Variants in THSD4 observed in about 807,000 individuals in gnomAD.
The protein encoded by THSD4 is thrombospondin type 1 domain containing 4, also known as thrombospondin type-1 domain-containing protein 4.
THSD4 carries 69 observed loss-of-function variants against 119.0 expected under a neutral mutation model. The ratio of observed to expected loss-of-function variants is 0.58; its 90% CI spans 0.48 to 0.71. The LOEUF (loss-of-function observed/expected upper bound fraction) is 0.71. Ranked by LOEUF, THSD4 falls within the 30% of genes least tolerant of loss-of-function variation. The probability of loss-of-function intolerance (pLI) is 0.00; values close to 1 mark genes in which losing one functional copy is unlikely to be tolerated. For synonymous variants in THSD4, 524 were observed against 540.4 expected, an observed-to-expected ratio of 0.97 and a Z score of 0.42; for missense variants, 1,393 against 1,391.1, an observed-to-expected ratio of 1.00 and a Z score of -0.02.
At chr15:71,634,847 C>T (rs1318910631) in intron 7 of THSD4, among the ~76,000 whole-genome samples, 5 of 152,188 alleles carry the variant, frequency 3.3e-5, no homozygotes, top group Admixed American at 2.6e-4. Context: ...AGAGTTGCAT[C>T]GTGCCATACA....
chr15:71,495,215 G>T (rs1486676973), intron 7 of THSD4, among the ~76,000 whole-genome samples: 2 of 152,168 alleles, frequency 1.3e-5, no homozygotes, highest in African/African-American at 4.8e-5. Flanking sequence ...AATTTGAATT[G>T]TTGGGTTACT....
At chr15:71,345,348 AG>A (rs1315059183) in intron 6 of THSD4, among the ~76,000 whole-genome samples, 1 of 152,022 alleles carries the variant, frequency 6.6e-6, no homozygotes, top group East Asian at 1.9e-4. Context: ...AGTCTGATAC[AG>A]GGGCAAGGTA....
At chr15:71,709,544 G>A (rs1052305386) in intron 8 of THSD4, among the ~76,000 whole-genome samples, 6 of 152,128 alleles carry the variant, frequency 3.9e-5, no homozygotes, top group African/African-American at 1.4e-4. Flanking sequence ...TAGATCAGCC[G>A]GATAACATGT....
chr15:71,729,030 A>G, intron 9 of THSD4: 4 of 385,668 alleles, frequency 1.0e-5, no homozygotes, highest in Non-Finnish European at 2.0e-5. Context: ...TTTCATGAGC[A>G]TTGGATCTCC....
intron 6 of THSD4, among the ~76,000 whole-genome samples, chr15:71,358,493 C>A (rs1276100218): frequency 6.6e-6 from 1 of 152,178 alleles, no homozygotes; most frequent in Non-Finnish European, 1.5e-5. Flanking sequence ...CAGACAGGAA[C>A]AAGTGTGGGG....
chr15:71,269,983 C>T (rs2044509610), intron 6 of THSD4, among the ~76,000 whole-genome samples: 1 of 152,172 alleles, frequency 6.6e-6, no homozygotes, highest in Non-Finnish European at 1.5e-5. Flanking sequence ...ATTCCATGCT[C>T]GTGGATAGGA....
chr15:71,519,330 A>G (rs2048405902), intron 7 of THSD4, among the ~76,000 whole-genome samples: 1 of 152,162 alleles, frequency 6.6e-6, no homozygotes, highest in South Asian at 2.1e-4. Context: ...CAGGGTTCTA[A>G]GCAGAAACGG....
At chr15:71,332,922 TTGTTAG>T (rs1341225394) in intron 6 of THSD4, among the ~76,000 whole-genome samples, 1 of 137,538 alleles carries the variant, frequency 7.3e-6, no homozygotes, top group African/African-American at 2.8e-5. Context: ...TCATCAGCTA[TTGTTAG>T]TGTTAGTGTA....
intron 8 of THSD4, among the ~76,000 whole-genome samples, chr15:71,719,620 CATAAA>C (rs1377049163): frequency 2.0e-5 from 3 of 152,170 alleles, no homozygotes. Flanking sequence ...GTTTTAAACT[CATAAA>C]ATAAAATACA....
chr15:71,176,113 A>T (rs1298432219), intron 3 of THSD4, among the ~76,000 whole-genome samples: 3 of 147,364 alleles, frequency 2.0e-5, no homozygotes, highest in Non-Finnish European at 3.0e-5. Context: ...CATCATAATG[A>T]CAGGATCAAA....
chr15:71,193,839 C>T (rs1567152900), intron 3 of THSD4, among the ~76,000 whole-genome samples: 2 of 152,012 alleles, frequency 1.3e-5, no homozygotes, highest in African/African-American at 4.8e-5. Context: ...TCCCTAGTCC[C>T]CCCTGGGACT....
At chr15:71,505,617 C>T (rs766186004) in intron 7 of THSD4, among the ~76,000 whole-genome samples, 19 of 152,154 alleles carry the variant, frequency 1.2e-4, no homozygotes, top group Non-Finnish European at 2.6e-4. Context: ...AAAATAAAAT[C>T]TTGCAAAAGT....
chr15:71,192,464 G>T (rs1482167647), intron 3 of THSD4, among the ~76,000 whole-genome samples: 1 of 151,902 alleles, frequency 6.6e-6, no homozygotes, highest in Non-Finnish European at 1.5e-5. Context: ...TGTATTTTTA[G>T]TAGAGGCAGG....
intron 6 of THSD4, among the ~76,000 whole-genome samples, chr15:71,388,661 A>AGTGTGTGTGTGTGTGTGT (rs748438115): frequency 1.2e-4 from 17 of 142,088 alleles, no homozygotes; most frequent in African/African-American, 3.5e-4. Flanking sequence ...TTCTTTGGAG[A>AGTGTGTGTGTGTGTGTGT]GAGTGTGTGT....
In THSD4 at chr15:71,311,344, A is replaced by G. The variant is rs150304163; in HGVS notation, c.1015+54629A>G. ...ACCTAGCTTCAAGGAAGGCCTAGAA[A>G]TGTCATCTTAGAAGGGGATAGCCAT... On this transcript the variant is annotated intron_variant, in intron 6 of 17. Transcript: ENST00000261862. Among the ~76,000 whole-genome samples the G allele has an allele frequency of 8.6e-4, 131 of 152,324 alleles. 2 individuals are homozygous for G. The highest frequency in any genetic ancestry group is 2.8e-3 in the African/African-American group (117 of 41,576).
At chr15:71,273,246 T>C (rs748449736) in intron 6 of THSD4, among the ~76,000 whole-genome samples, 8 of 152,230 alleles carry the variant, frequency 5.3e-5, no homozygotes, top group Non-Finnish European at 8.8e-5. Context: ...TGTGACAACA[T>C]GGGTAAACCT....
intron 6 of THSD4, among the ~76,000 whole-genome samples, chr15:71,354,454 G>C (rs775339613): frequency 4.6e-5 from 7 of 152,174 alleles, no homozygotes; most frequent in Non-Finnish European, 2.9e-5. Flanking sequence ...AGCCATCTTT[G>C]TTTTTTAATT....
chr15:71,661,854 C>T (rs1217402547), intron 8 of THSD4, among the ~76,000 whole-genome samples: 1 of 152,120 alleles, frequency 6.6e-6, no homozygotes, highest in Non-Finnish European at 1.5e-5. Context: ...ATGTGTCAGG[C>T]ACTATTCTTA....
chr15:71,541,136 A>G (rs952460258), intron 7 of THSD4, among the ~76,000 whole-genome samples: 1 of 152,256 alleles, frequency 6.6e-6, no homozygotes, highest in African/African-American at 2.4e-5. Flanking sequence ...TAATAGCCAC[A>G]TTTTAAAAAG....
Sources: allele counts gnomAD v4.1 joint callset (sites outside exome capture counted in the v4.1 genomes callset), GRCh38; gene constraint gnomAD v4.1.1; transcripts MANE v1.5; gene names NCBI Gene and HGNC (gene_info 2026-07-23, HGNC 2026-07-21).